The following KCTD10 variants were observed in gnomAD, a reference collection of about 807,000 sequenced individuals.
KCTD10 encodes potassium channel tetramerization domain containing 10, also known as BTB/POZ domain-containing adapter for CUL3-mediated RhoA degradation protein 3.
Under a neutral mutation model 34.6 loss-of-function variants are expected in KCTD10, and 13 were observed. The ratio of observed to expected loss-of-function variants is 0.38; its 90% CI spans 0.24 to 0.60. The LOEUF is 0.60. Ranked by LOEUF, KCTD10 falls within the 20% of genes least tolerant of loss-of-function variation. KCTD10 has a pLI of 0.66. For missense variants in KCTD10, 256 were observed against 420.3 expected, an observed-to-expected ratio of 0.61 and a Z score of 3.42; for synonymous variants, 156 against 168.8, an observed-to-expected ratio of 0.92 and a Z score of 0.59.
Position 109,450,173 on chromosome 12 carries a change from C to A in KCTD10, c.*1422G>T. 1 of 398,370 alleles carries A rather than the reference C, an allele frequency of 2.5e-6. No individual in the cohort carries two copies. The highest frequency in any genetic ancestry group is 4.4e-6 in the Non-Finnish European group (1 of 226,014). 24.7% of individuals were successfully genotyped at this position (398,370 alleles called of 1,614,324 possible). On this transcript the variant is annotated 3_prime_UTR_variant, in exon 7 of 7. Transcript: ENST00000228495. ...AACGGTAACGATTCCCTTGACAAAC[C>A]CATCCATCACCTGACGCACATTCAC...
At chr12:109,457,423 T>C (rs11066686) in intron 5 of KCTD10, 23,685 of 543,962 alleles carry the variant, frequency 0.044, 1,872 homozygotes, top group African/African-American at 0.24. Flanking sequence ...TAATAATAAC[T>C]GTACACTCTA....
intron 1 of KCTD10, among the ~76,000 whole-genome samples, chr12:109,476,746 T>C (rs1333979307): frequency 1.3e-5 from 2 of 151,608 alleles, no homozygotes; most frequent in African/African-American, 4.9e-5. Flanking sequence ...GGGAGCCCCT[T>C]CCCCACTTCC....
At chr12:109,458,930 A>C (rs1390066587) in intron 3 of KCTD10, 1 of 152,358 alleles carries the variant, frequency 6.6e-6, no homozygotes, top group Non-Finnish European at 1.5e-5. Flanking sequence ...AGGACCTTCC[A>C]TGCACAAACA....
intron 3 of KCTD10, among the ~76,000 whole-genome samples, chr12:109,459,792 A>C (rs1393313078): frequency 6.6e-6 from 1 of 152,246 alleles, no homozygotes; most frequent in South Asian, 2.1e-4. Context: ...TGTGAACAGA[A>C]AAAACTGCTG....
chr12:109,470,465 C>T lies in KCTD10; in HGVS notation c.4-737G>A, dbSNP rs1405717138. The T allele has an allele frequency of 6.2e-5, 61 of 985,392 alleles. 1 individual carries two copies. Among genetic ancestry groups the T allele is most frequent in the Non-Finnish European group, 7.1e-5 (59 of 829,992 alleles). 61.0% of individuals were successfully genotyped at this position (985,392 alleles called of 1,614,324 possible). A position where few individuals can be genotyped will look rare whatever the true frequency, so the allele number is the denominator to read the frequency against. On this transcript the variant is annotated intron_variant, in intron 1 of 6. Coordinates refer to ENST00000228495, the MANE Select transcript of KCTD10 (RefSeq NM_031954.5). ...TCTGTACATCTCAAAGAAATGGATA[C>T]AGTGGCTGATTTACGCAGGCCTGGA...
intron 3 of KCTD10, chr12:109,458,533 A>T (rs1281352356): frequency 6.4e-6 from 1 of 156,026 alleles, no homozygotes; most frequent in Non-Finnish European, 1.4e-5. Context: ...GTCACAGGTG[A>T]GCGTTAACCA....
In KCTD10 at chr12:109,460,942, G is replaced by T; in HGVS notation, c.218-137C>A. ...TGCCTGGAGAATGGCAGCCTCACCT[G>T]CCTACCTGCCCACTAAGGGCTGAGG... is the stretch of plus-strand genomic sequence containing the variant. On this transcript the variant is annotated intron_variant, in intron 2 of 6. Transcript: ENST00000228495. This position sits in a 1 kb window ranked among gnomAD's most constrained non-coding sequence, Gnocchi z 4.5. The T allele has an allele frequency of 1.2e-6, 1 of 809,364 alleles. No homozygotes were observed. Among genetic ancestry groups the T allele is most frequent in the Non-Finnish European group, 1.9e-6 (1 of 522,540 alleles). 50.1% of individuals were successfully genotyped at this position (809,364 alleles called of 1,614,324 possible).
rs933295887 is a variant in KCTD10, at chr12:109,460,436, G to C, written c.387+200C>G. On this transcript the variant is annotated intron_variant, in intron 3 of 6. Coordinates refer to ENST00000228495, the MANE Select transcript of KCTD10 (RefSeq NM_031954.5). The surrounding 1 kb of genome is among the most constrained non-coding windows in gnomAD (Gnocchi z 4.5). ...GCATGGGGCTGCAAGGAGTGACACA[G>C]TAGTTAGGTGGCCTGCTGTTCCAGG... 4 of 585,582 alleles carry C rather than the reference G, an allele frequency of 6.8e-6. No homozygotes were observed. The Admixed American group carries it at 1.2e-4, about 18-fold the overall frequency. 36.3% of individuals were successfully genotyped at this position (585,582 alleles called of 1,614,324 possible).
At position 109,460,711 on chromosome 12, in the gene KCTD10, C is replaced by T; in HGVS notation, c.312G>A (p.Glu104=). The part of the protein sequence containing the change: ...GAVPLPESRR[E]IEELLAEAKY... ...TGGCTTCTGCTAGCAGCTCCTCGAT[C>T]TCCCGGCGGCTCTCGGGTAAAGGCA... Residue 104 remains glutamate, a synonymous_variant, in exon 3 of 7, where the codon GAG becomes GAA. Transcript: ENST00000228495. The surrounding 1 kb of genome is among the most constrained non-coding windows in gnomAD (Gnocchi z 4.5). 1 of 1,614,192 alleles carries T rather than the reference C, an allele frequency of 6.2e-7. No individual in the cohort carries two copies. Among genetic ancestry groups the T allele is most frequent in the Non-Finnish European group, 8.5e-7 (1 of 1,180,024 alleles).
At position 109,451,846 on chromosome 12, in the gene KCTD10, T is replaced by C; in HGVS notation, c.724-33A>G. On this transcript the variant is annotated intron_variant, in intron 6 of 6. Transcript: ENST00000228495. This position sits in a 1 kb window ranked among gnomAD's most constrained non-coding sequence, Gnocchi z 5.0. ...CCCACAGTATACAGGGCAGGTAAGTTATGGCCCACCCCCTCTGCCAACACC... is the reference window on the plus strand; with the variant it reads ...CCCACAGTATACAGGGCAGGTAAGTCATGGCCCACCCCCTCTGCCAACACC... 6.4e-7 allele frequency: 1 copy of C among 1,564,470 alleles called. No individual in the cohort carries two copies. Among genetic ancestry groups the C allele is most frequent in the Non-Finnish European group, 8.7e-7 (1 of 1,147,238 alleles).
intron 5 of KCTD10, 50 bp from the exon 6 acceptor site, chr12:109,456,363 T>C (rs1294920208): frequency 3.8e-6 from 6 of 1,564,640 alleles, no homozygotes; most frequent in Non-Finnish European, 5.3e-6. Context: ...AAAACTGCCA[T>C]CATTTGCTGG....
At chr12:109,473,444 G>A (rs1030432094) in intron 1 of KCTD10, among the ~76,000 whole-genome samples, 1 of 152,096 alleles carries the variant, frequency 6.6e-6, no homozygotes, top group Non-Finnish European at 1.5e-5. Context: ...ATGATGATTT[G>A]AGAATGCTCC....
chr12:109,459,524 GAAAA>G (rs1468258126), intron 3 of KCTD10: 6 of 152,236 alleles, frequency 3.9e-5, no homozygotes, highest in African/African-American at 1.4e-4. Context: ...ATAGAAGAAA[GAAAA>G]TAATCACTGT....
intron 1 of KCTD10, among the ~76,000 whole-genome samples, chr12:109,474,669 C>T (rs905840011): frequency 1.3e-5 from 2 of 152,104 alleles, no homozygotes; most frequent in African/African-American, 4.8e-5. Flanking sequence ...CCAGTGAATT[C>T]CTGACCTGAC....
Position 109,451,403 on chromosome 12 carries a change from G to A in KCTD10, c.*192C>T. 1.8e-6 allele frequency: 1 copy of A among 561,042 alleles called. No individual in the cohort carries two copies. The highest frequency in any genetic ancestry group is 3.1e-6 in the Non-Finnish European group (1 of 322,758). 34.8% of individuals were successfully genotyped at this position (561,042 alleles called of 1,614,324 possible). ...CTTAGACACAGCTTGTTCAACGACAGGGGTCATACGCCTGGGTCAAGACAA... is the reference window on the plus strand; with the variant it reads ...CTTAGACACAGCTTGTTCAACGACAAGGGTCATACGCCTGGGTCAAGACAA... On this transcript the variant is annotated 3_prime_UTR_variant, in exon 7 of 7. Transcript: ENST00000228495. The surrounding 1 kb of genome is among the most constrained non-coding windows in gnomAD (Gnocchi z 5.0).
chr12:109,463,822 G>C (rs1391422913), intron 2 of KCTD10, among the ~76,000 whole-genome samples: 1 of 152,170 alleles, frequency 6.6e-6, no homozygotes. Flanking sequence ...AGAACGTACA[G>C]AAGGCACACA....
In KCTD10 at chr12:109,450,786, A is replaced by T. The variant is rs1872733566; in HGVS notation, c.*809T>A. The T allele has an allele frequency of 6.3e-6, 1 of 159,790 alleles. No individual in the cohort carries two copies. Among genetic ancestry groups the T allele is most frequent in the Non-Finnish European group, 1.4e-5 (1 of 73,324 alleles). 9.9% of individuals were successfully genotyped at this position (159,790 alleles called of 1,614,324 possible). A position where few individuals can be genotyped will look rare whatever the true frequency, so the allele number is the denominator to read the frequency against. On this transcript the variant is annotated 3_prime_UTR_variant, in exon 7 of 7. Transcript: ENST00000228495. ...TCGGGTCAATCAGGAGAACAACTGG[A>T]CGGGGCTGGAGTTGGGGAAAGAACC...
intron 1 of KCTD10, among the ~76,000 whole-genome samples, chr12:109,474,325 T>C (rs1206230723): frequency 6.6e-6 from 1 of 152,142 alleles, no homozygotes; most frequent in Non-Finnish European, 1.5e-5. Flanking sequence ...AGGCAATGAA[T>C]ACTTGAGATA....
rs1449929649 is a variant in KCTD10 at position 109,449,587 on chromosome 12, G to A, written c.*2008C>T. 1 of 152,184 alleles carries A rather than the reference G, an allele frequency of 6.6e-6. No individual in the cohort carries two copies. Among genetic ancestry groups the A allele is most frequent in the Non-Finnish European group, 1.5e-5 (1 of 68,080 alleles). 9.4% of individuals were successfully genotyped at this position (152,184 alleles called of 1,614,324 possible). A position where few individuals can be genotyped will look rare whatever the true frequency, so the allele number is the denominator to read the frequency against. ...TAAAAATACAAAATTAGCTGGGCAT[G>A]GGCTGATGGGTACCTGCAATCCCAG... is the stretch of plus-strand genomic sequence containing the variant. On this transcript the variant is annotated 3_prime_UTR_variant, in exon 7 of 7. Transcript: ENST00000228495.
Sources: allele counts gnomAD v4.1 joint callset (sites outside exome capture counted in the v4.1 genomes callset), GRCh38; gene constraint gnomAD v4.1.1; non-coding constraint Gnocchi (gnomAD v3.1); transcripts MANE v1.5; gene names NCBI Gene and HGNC (gene_info 2026-07-23, HGNC 2026-07-21).